Variants in PSG3 observed in about 807,000 individuals in gnomAD.
PSG3 encodes the protein pregnancy specific beta-1-glycoprotein 3.
A neutral mutation model predicts 47.5 loss-of-function variants in PSG3; 61 were observed. The observed-to-expected ratio is 1.28, with a 90% CI of 1.05 to 1.59. The LOEUF is 1.59. Among genes scored for constraint, PSG3 ranks in the 40% most tolerant of loss-of-function variants. The probability of loss-of-function intolerance (pLI) is 0.00; values close to 1 mark genes in which losing one functional copy is unlikely to be tolerated. For missense variants in PSG3, 756 were observed against 524.0 expected (o/e 1.44, Z -4.32); for synonymous variants, 263 against 198.4 (o/e 1.33, Z -2.74).
At position 42,721,917 on chromosome 19, in the gene PSG3, C is replaced by T; in HGVS notation, c.*214G>A. 2.4e-6 allele frequency: 1 copy of T among 415,240 alleles called. No individual in the cohort carries two copies. Among genetic ancestry groups the T allele is most frequent in the Non-Finnish European group, 4.4e-6 (1 of 226,148 alleles). 25.7% of individuals were successfully genotyped at this position (415,240 alleles called of 1,614,324 possible). ...CTTTGTCTTGAATTTCATGAAGTAT[C>T]AGCCTGTTCATTAAAATTTTGAAAG... On this transcript the variant is annotated 3_prime_UTR_variant, in exon 7 of 7. Coordinates refer to ENST00000327495, the MANE Select transcript of PSG3 (RefSeq NM_021016.4).
rs147601797 is a variant in PSG3, at chr19:42,732,981, G to T, written c.512C>A (p.Pro171His). 3 of 1,614,172 alleles carry T rather than the reference G, an allele frequency of 1.9e-6. No individual in the cohort carries two copies. The African/African-American group carries it at 4.0e-5, about 22-fold the overall frequency. ...CAGGTAGCTTGCGTCCGGAGTCTCA[G>T]GATCACAGGTTAAGCTCACAGCCTC... ...DMEAVSLTCDPETPDASYLWW... is the reference protein window; with the variant it reads ...DMEAVSLTCDHETPDASYLWW... The change falls in exon 3 of 7, where the codon CCT (proline) becomes CAT (histidine). Residue 171 changes from proline (P) to histidine (H), a missense_variant. By Grantham distance (77) the Pro-to-His change is moderately conservative (BLOSUM62 -2). Transcript: ENST00000327495.
At chr19:42,733,900 C>G (rs975131009) in intron 2 of PSG3, 5 of 151,102 alleles carry the variant, frequency 3.3e-5, no homozygotes, top group African/African-American at 1.2e-4. Context: ...GTGGAAAGGG[C>G]GAACATGAAC....
chr19:42,730,312 C>A lies in PSG3; in HGVS notation c.710-256G>T, dbSNP rs545728093. ...AGCAGTGTTGGGTCATGGACAGACA[C>A]GTCAATGGGAGTCACAGCCCCTGGT... On this transcript the variant is annotated intron_variant, in intron 3 of 6. Transcript: ENST00000327495. Among the ~76,000 whole-genome samples the A allele has an allele frequency of 2.0e-5, 3 of 152,272 alleles. No individual in the cohort carries two copies. The South Asian group carries it at 6.2e-4, about 32-fold the overall frequency.
At chr19:42,729,512 T>A (rs1969434594) in intron 4 of PSG3, 135 bp from the exon 5 acceptor site, 2 of 1,485,750 alleles carry the variant, frequency 1.3e-6, no homozygotes, top group Non-Finnish European at 9.0e-7. Context: ...CTATGTTCAC[T>A]GAGCTGAAGC....
At position 42,722,002 on chromosome 19, in the gene PSG3, C is replaced by T. The variant is rs772583163; in HGVS notation, c.*129G>A. On this transcript the variant is annotated 3_prime_UTR_variant, in exon 7 of 7. Transcript: ENST00000327495. Reference sequence around the variant, plus strand: ...GGAACTTGTATTCAAGAGTCCTTGTCAGAGTCTTTTCATAAATCTCCTTGA... The same window carrying T: ...GGAACTTGTATTCAAGAGTCCTTGTTAGAGTCTTTTCATAAATCTCCTTGA... 4.8e-6 allele frequency: 2 copies of T among 417,060 alleles called. No individual in the cohort carries two copies. Among genetic ancestry groups the T allele is most frequent in the Non-Finnish European group, 8.8e-6 (2 of 227,684 alleles). The allele number at this position is 417,060 out of a possible 1,614,324, so 25.8% of individuals were successfully genotyped here.
chr19:42,739,401 T>G (rs1969628940), intron 1 of PSG3: 1 of 337,168 alleles, frequency 3.0e-6, no homozygotes, highest in South Asian at 4.6e-5. Flanking sequence ...CCTGCTCACA[T>G]CAGGGCATCC....
intron 3 of PSG3, 110 bp downstream of exon 3, chr19:42,732,674 C>A: frequency 6.2e-7 from 1 of 1,612,482 alleles, no homozygotes; most frequent in Non-Finnish European, 8.5e-7. Context: ...GTTTGATGTC[C>A]AGGGGTAAAG....
At chr19:42,730,352 C>T (rs1000802882) in intron 3 of PSG3, among the ~76,000 whole-genome samples, 1 of 152,186 alleles carries the variant, frequency 6.6e-6, no homozygotes, top group Non-Finnish European at 1.5e-5. Flanking sequence ...CTCCCAGTCC[C>T]TCCATAATCA....
chr19:42,738,215 C>T (rs1277848500), intron 2 of PSG3, among the ~76,000 whole-genome samples: 1 of 152,230 alleles, frequency 6.6e-6, no homozygotes, highest in Non-Finnish European at 1.5e-5. Context: ...CTCCAGGAGA[C>T]ACAGTCCTCT....
chr19:42,731,847 T>G (rs1332255901), intron 3 of PSG3: 1 of 151,350 alleles, frequency 6.6e-6, no homozygotes, highest in African/African-American at 2.5e-5. Flanking sequence ...ACTTTTTGGT[T>G]AAACTTATTT....
chr19:42,723,439 G>T (rs1031905594), intron 6 of PSG3, among the ~76,000 whole-genome samples: 2 of 152,214 alleles, frequency 1.3e-5, no homozygotes, highest in African/African-American at 2.4e-5. Context: ...AAGGAAGTGA[G>T]AAGGCTTAGT....
intron 5 of PSG3, among the ~76,000 whole-genome samples, chr19:42,728,172 G>A (rs1969406134): frequency 6.6e-6 from 1 of 152,080 alleles, no homozygotes. Context: ...TATGGTAAGA[G>A]GAAAAAGTTC....
At position 42,729,918 on chromosome 19, in the gene PSG3, C is replaced by A. The variant is rs764385050; in HGVS notation, c.848G>T (p.Ser283Ile). ...WWLNGQSLPV[S>I]PRVKRPIENR... is the part of the protein sequence containing the mutation. ...TTCAATGGGTCGCTTTACCCTGGGA[C>A]TGACCGGGAGGCTCTGACCATTTAG... The change falls in exon 4 of 7, where the codon AGT becomes ATT. Residue 283 changes from serine (S) to isoleucine (I), a missense_variant. Transcript: ENST00000327495. 1.2e-6 allele frequency: 2 copies of A among 1,612,062 alleles called. No individual in the cohort carries two copies. The highest frequency in any genetic ancestry group is 1.7e-6 in the Non-Finnish European group (2 of 1,179,866).
intron 5 of PSG3, among the ~76,000 whole-genome samples, chr19:42,725,685 C>A (rs1191504091): frequency 1.3e-5 from 2 of 151,572 alleles, no homozygotes; most frequent in African/African-American, 4.9e-5. Context: ...CTGGGGAGAC[C>A]CTGTCTCTAC....
intron 6 of PSG3, among the ~76,000 whole-genome samples, chr19:42,723,335 C>G (rs1322146617): frequency 6.6e-6 from 1 of 152,142 alleles, no homozygotes; most frequent in Non-Finnish European, 1.5e-5. Flanking sequence ...AGCATTGGAA[C>G]TAAGAATTTT....
At position 42,740,423 on chromosome 19, in the gene PSG3, G is replaced by C. The variant is rs760402038; in HGVS notation, c.-39C>G. 1.9e-6 allele frequency: 3 copies of C among 1,613,692 alleles called. No homozygotes were observed. The highest frequency in any genetic ancestry group is 1.3e-5 in the African/African-American group (1 of 74,906). ...TGCGTGTTCTCCTCTGTGGAGCTGA[G>C]CCTAGGATCCAGAAACTTCCTGAGC... On this transcript the variant is annotated 5_prime_UTR_variant, in exon 1 of 7. Coordinates refer to ENST00000327495, the MANE Select transcript of PSG3 (RefSeq NM_021016.4).
At chr19:42,736,222 G>A (rs1170923009) in intron 2 of PSG3, among the ~76,000 whole-genome samples, 61 of 152,208 alleles carry the variant, frequency 4.0e-4, no homozygotes, top group Non-Finnish European at 8.8e-5. Flanking sequence ...TTGGGCCAGA[G>A]TTTACAAAAT....
intron 1 of PSG3, among the ~76,000 whole-genome samples, chr19:42,739,877 C>A (rs1284033737): frequency 6.6e-6 from 1 of 152,176 alleles, no homozygotes; most frequent in Non-Finnish European, 1.5e-5. Flanking sequence ...CCTGTTTTGA[C>A]CCCTGTCCCT....
chr19:42,729,059 T>C (rs1969420233), intron 5 of PSG3, 64 bp downstream of exon 5: 29 of 1,612,204 alleles, frequency 1.8e-5, no homozygotes, highest in Non-Finnish European at 2.3e-5. Context: ...TTCCTGACTC[T>C]TCTCTGAAAG....
Sources: gnomAD v4.1 joint callset for allele counts (sites outside exome capture counted in the v4.1 genomes callset) on GRCh38, gnomAD v4.1.1 for gene constraint, MANE v1.5 for transcripts, NCBI Gene and HGNC (gene_info 2026-07-23, HGNC 2026-07-21) for gene names.